KCNH7: variants seen among roughly 807,000 people sequenced by gnomAD.
KCNH7 encodes voltage-gated inwardly rectifying potassium channel KCNH7.
A neutral mutation model predicts 120.8 loss-of-function variants in KCNH7; 49 were observed. The ratio of observed to expected loss-of-function variants is 0.41; its 90% confidence interval spans 0.32 to 0.51. The LOEUF is 0.51. Ranked by LOEUF, KCNH7 falls within the 20% of genes least tolerant of loss-of-function variation. The pLI is 0.38. For missense variants in KCNH7, 1,097 were observed against 1,446.6 expected (o/e 0.76, Z 3.92); for synonymous variants, 547 against 516.1 (o/e 1.06, Z -0.81).
Position 162,379,850 on chromosome 2 carries a change from T to TA in KCNH7, c.3131+2dup. ...TTCTCCTTTTGCCCATCACTGCTTA[T>TA]ACCTGTTAAGTTGCTCCTGGAGCAG... On this transcript the variant is annotated splice_region_variant and intron_variant, in intron 14 of 15. Transcript: ENST00000332142. The TA allele has an allele frequency of 6.2e-7, 1 of 1,613,890 alleles. No homozygotes were observed. The highest frequency in any genetic ancestry group is 8.5e-7 in the Non-Finnish European group (1 of 1,179,828).
At chr2:162,557,518 A>T (rs555971821) in intron 2 of KCNH7, among the ~76,000 whole-genome samples, 1 of 152,260 alleles carries the variant, frequency 6.6e-6, no homozygotes, top group Non-Finnish European at 1.5e-5. Context: ...AAGATGGGAG[A>T]TGGTGGGAGA....
intron 2 of KCNH7, among the ~76,000 whole-genome samples, chr2:162,632,679 A>C (rs947354314): frequency 6.6e-6 from 1 of 151,852 alleles, no homozygotes; most frequent in African/African-American, 2.4e-5. Flanking sequence ...TTCCAGAAAA[A>C]GACCTATAAA....
intron 4 of KCNH7, among the ~76,000 whole-genome samples, chr2:162,514,296 A>C (rs1165814068): frequency 1.3e-5 from 2 of 151,820 alleles, no homozygotes; most frequent in Non-Finnish European, 2.9e-5. Context: ...AGATAGTGGA[A>C]GAGATCTTGA....
intron 14 of KCNH7, among the ~76,000 whole-genome samples, chr2:162,378,024 G>A (rs184359041): frequency 2.2e-4 from 33 of 152,232 alleles, no homozygotes; most frequent in Admixed American, 2.1e-3. Context: ...AGAGCAACCA[G>A]GTGATGCTAA....
At chr2:162,672,088 C>T (rs1021638817) in intron 2 of KCNH7, among the ~76,000 whole-genome samples, 3 of 151,964 alleles carry the variant, frequency 2.0e-5, no homozygotes, top group Admixed American at 6.6e-5. Flanking sequence ...AAAAATTGAT[C>T]AATTCATTAT....
intron 6 of KCNH7, among the ~76,000 whole-genome samples, chr2:162,470,341 C>T (rs184680247): frequency 8.7e-5 from 13 of 149,874 alleles, no homozygotes; most frequent in Non-Finnish European, 1.2e-4. Flanking sequence ...ATGTGAGGAG[C>T]GCCTCTGCCC....
intron 6 of KCNH7, among the ~76,000 whole-genome samples, chr2:162,504,064 G>A (rs1349878239): frequency 6.6e-6 from 1 of 151,930 alleles, no homozygotes; most frequent in East Asian, 1.9e-4. Flanking sequence ...ACAGTTCAGA[G>A]CAAATGCTAA....
chr2:162,484,686 G>A (rs993211550), intron 6 of KCNH7, among the ~76,000 whole-genome samples: 1 of 152,172 alleles, frequency 6.6e-6, no homozygotes, highest in African/African-American at 2.4e-5. Flanking sequence ...AATGGGAGGT[G>A]TTTGGGTCAT....
intron 8 of KCNH7, among the ~76,000 whole-genome samples, chr2:162,431,017 T>C (rs1688047542): frequency 6.6e-6 from 1 of 152,162 alleles, no homozygotes; most frequent in South Asian, 2.1e-4. Context: ...TTTTAAAATG[T>C]ATTATCTGGT....
chr2:162,728,809 A>G (rs1687618895), intron 2 of KCNH7, among the ~76,000 whole-genome samples: 1 of 152,150 alleles, frequency 6.6e-6, no homozygotes, highest in Non-Finnish European at 1.5e-5. Flanking sequence ...ACTTTGATGA[A>G]GCCAAGTTAT....
intron 3 of KCNH7, chr2:162,528,039 G>T (rs947850198): frequency 3.3e-5 from 5 of 151,928 alleles, no homozygotes; most frequent in African/African-American, 1.2e-4. Flanking sequence ...CAAACACATT[G>T]CAAGGTGATG....
At chr2:162,515,916 C>T (rs1467097494) in intron 4 of KCNH7, among the ~76,000 whole-genome samples, 1 of 151,774 alleles carries the variant, frequency 6.6e-6, no homozygotes, top group African/African-American at 2.4e-5. Flanking sequence ...ACCTCTTCTG[C>T]CTTCTCTACT....
chr2:162,799,468 T>G (rs1684264932), intron 2 of KCNH7, among the ~76,000 whole-genome samples: 1 of 152,004 alleles, frequency 6.6e-6, no homozygotes, highest in Non-Finnish European at 1.5e-5. Context: ...AGGTAAATAT[T>G]AATATATCAA....
Position 162,822,087 on chromosome 2 carries a change from A to T in KCNH7, c.307+14450T>A, listed in dbSNP as rs560386865. ...TGTCCAGAATTTGATTGAGGCCATA[A>T]TCTCCACAATAAAGCCCCTAAAATT... On this transcript the variant is annotated intron_variant, in intron 2 of 15. Coordinates refer to ENST00000332142, the MANE Select transcript of KCNH7 (RefSeq NM_033272.4). Among the ~76,000 whole-genome samples the T allele has an allele frequency of 9.5e-3, 643 of 67,404 alleles. 2 individuals are homozygous for T. The highest frequency in any genetic ancestry group is 0.017 in the African/African-American group (451 of 26,832). 44.2% of individuals were successfully genotyped at this position (67,404 alleles called of 152,430 possible).
chr2:162,603,332 T>A (rs1196355271), intron 2 of KCNH7, among the ~76,000 whole-genome samples: 1 of 152,086 alleles, frequency 6.6e-6, no homozygotes, highest in African/African-American at 2.4e-5. Flanking sequence ...AAATCTGTTT[T>A]CTGTGAGGGT....
chr2:162,413,669 T>A (rs115434507), intron 9 of KCNH7, among the ~76,000 whole-genome samples: 48 of 152,164 alleles, frequency 3.2e-4, no homozygotes, highest in African/African-American at 1.1e-3. Context: ...CCAAATCGTA[T>A]AAAAAAATTT....
At chr2:162,656,959 G>A (rs1421520751) in intron 2 of KCNH7, among the ~76,000 whole-genome samples, 1 of 152,160 alleles carries the variant, frequency 6.6e-6, no homozygotes, top group Non-Finnish European at 1.5e-5. Context: ...AGGTGCTAAG[G>A]CAGCTTTAGC....
chr2:162,397,515 T>C (rs1403702954), intron 10 of KCNH7, among the ~76,000 whole-genome samples: 1 of 151,870 alleles, frequency 6.6e-6, no homozygotes, highest in Non-Finnish European at 1.5e-5. Context: ...TCAACATATG[T>C]AGTCCTGCTT....
At chr2:162,650,190 G>T (rs895536209) in intron 2 of KCNH7, among the ~76,000 whole-genome samples, 1 of 152,092 alleles carries the variant, frequency 6.6e-6, no homozygotes, top group Admixed American at 6.6e-5. Context: ...AATTTGGAAG[G>T]TCTTTAGAGA....
Sources: gnomAD v4.1 joint callset for allele counts (sites outside exome capture counted in the v4.1 genomes callset) on GRCh38, gnomAD v4.1.1 for gene constraint, MANE v1.5 for transcripts, NCBI Gene and HGNC (gene_info 2026-07-23, HGNC 2026-07-21) for gene names.